DNAH6: variants seen among roughly 807,000 people sequenced by gnomAD.
DNAH6 encodes the protein axonemal beta dynein heavy chain 6.
DNAH6 carries 340 observed loss-of-function variants against 491.4 expected under a neutral mutation model. That is an observed-to-expected ratio of 0.69 (90% CI 0.63 to 0.76). DNAH6 has a LOEUF of 0.76. Ranked by LOEUF, DNAH6 falls within the 30% of genes least tolerant of loss-of-function variation. The probability of loss-of-function intolerance (pLI) is 0.00; values close to 1 mark genes in which losing one functional copy is unlikely to be tolerated. For synonymous variants in DNAH6, 1,603 were observed against 1,686.1 expected (o/e 0.95, Z 1.21); for missense variants, 4,443 against 4,972.2 (o/e 0.89, Z 3.20).
Position 84,588,831 on chromosome 2 carries a change from A to C in DNAH6, c.2487A>C (p.Pro829=). The change falls in exon 16 of 77, where the codon CCA becomes CCC. Residue 829 remains proline (P), a synonymous_variant. Coordinates refer to ENST00000389394, the MANE Select transcript of DNAH6 (RefSeq NM_001370.2). ...AAACTGTCTTAAATTTATAGGATCC[A>C]CAGATTTTAGATATCTCTGCTGACC... The part of the protein sequence containing the change: ...VNEVKLQAQD[P]QILDISADQD... 6.5e-7 allele frequency: 1 copy of C among 1,537,708 alleles called. No homozygotes were observed. The highest frequency in any genetic ancestry group is 8.8e-7 in the Non-Finnish European group (1 of 1,141,854).
At chr2:84,663,697 C>T (rs982242183) in intron 37 of DNAH6, among the ~76,000 whole-genome samples, 8 of 152,130 alleles carry the variant, frequency 5.3e-5, no homozygotes, top group Non-Finnish European at 1.0e-4. Flanking sequence ...AGGAGAACTT[C>T]CCCAACCTAG....
At chr2:84,531,987 A>G (rs1558671183) in intron 4 of DNAH6, among the ~76,000 whole-genome samples, 1 of 152,156 alleles carries the variant, frequency 6.6e-6, no homozygotes, top group Non-Finnish European at 1.5e-5. Context: ...CTTGATTCAT[A>G]TGTGAAAATG....
At chr2:84,720,894 G>A (rs1698083953) in intron 59 of DNAH6, among the ~76,000 whole-genome samples, 1 of 152,178 alleles carries the variant, frequency 6.6e-6, no homozygotes, top group Non-Finnish European at 1.5e-5. Flanking sequence ...TGTTTTGCAA[G>A]GAGTTGCTTT....
At chr2:84,805,164 A>G (rs953383636) in intron 70 of DNAH6, among the ~76,000 whole-genome samples, 1 of 152,260 alleles carries the variant, frequency 6.6e-6, no homozygotes, top group African/African-American at 2.4e-5. Flanking sequence ...TGCTCAACAA[A>G]AAAATTTTTA....
At chr2:84,536,074 G>C (rs148179746) in intron 4 of DNAH6, among the ~76,000 whole-genome samples, 1 of 151,900 alleles carries the variant, frequency 6.6e-6, no homozygotes, top group Non-Finnish European at 1.5e-5. Context: ...TAAAAATATT[G>C]TCAAAATGAT....
chr2:84,705,702 G>T lies in DNAH6; in HGVS notation c.8682G>T (p.Val2894=). The change falls in exon 52 of 77, where the codon GTG becomes GTT. Residue 2894 remains valine (V), a synonymous_variant. Transcript: ENST00000389394. The stretch of plus-strand genomic sequence containing the variant: ...GAGCTATGGATTTGTACTCTCGAGT[G>T]GTCAAGGTCGTCGAACCAAAAAGAC... The part of the protein sequence containing the change: ...WVRAMDLYSR[V]VKVVEPKRQK... The T allele has an allele frequency of 6.4e-7, 1 of 1,551,488 alleles. No individual in the cohort carries two copies. The highest frequency in any genetic ancestry group is 1.2e-5 in the South Asian group (1 of 84,014).
At chr2:84,528,399 G>A (rs987075657) in intron 3 of DNAH6, among the ~76,000 whole-genome samples, 10 of 152,130 alleles carry the variant, frequency 6.6e-5, no homozygotes, top group Non-Finnish European at 1.3e-4. Flanking sequence ...TAAGGCTATC[G>A]CATAGTGATT....
intron 58 of DNAH6, among the ~76,000 whole-genome samples, chr2:84,716,544 T>A (rs949200254): frequency 1.3e-5 from 2 of 152,192 alleles, no homozygotes; most frequent in African/African-American, 4.8e-5. Flanking sequence ...CTAGTTTGTT[T>A]TAGGAATTAT....
At chr2:84,541,887 C>A (rs1367950801) in intron 4 of DNAH6, among the ~76,000 whole-genome samples, 1 of 152,168 alleles carries the variant, frequency 6.6e-6, no homozygotes, top group Non-Finnish European at 1.5e-5. Flanking sequence ...CATAAAGATT[C>A]TCATTCTGCG....
chr2:84,785,284 G>A (rs979950386), intron 66 of DNAH6, among the ~76,000 whole-genome samples: 1 of 152,168 alleles, frequency 6.6e-6, no homozygotes, highest in African/African-American at 2.4e-5. Context: ...GCCCTATGTA[G>A]GGATGATGCA....
chr2:84,628,917 C>A (rs1688131187), intron 29 of DNAH6, among the ~76,000 whole-genome samples: 1 of 152,154 alleles, frequency 6.6e-6, no homozygotes, highest in Non-Finnish European at 1.5e-5. Context: ...CACTTGAAAT[C>A]CTCTGTCTCT....
intron 59 of DNAH6, among the ~76,000 whole-genome samples, chr2:84,722,100 T>G (rs1242478786): frequency 6.6e-6 from 1 of 152,174 alleles, no homozygotes; most frequent in Non-Finnish European, 1.5e-5. Flanking sequence ...AACAACAGCT[T>G]CTATCCCATA....
At chr2:84,631,351 T>C (rs2104451532) in intron 29 of DNAH6, among the ~76,000 whole-genome samples, 1 of 152,320 alleles carries the variant, frequency 6.6e-6, no homozygotes, top group African/African-American at 2.4e-5. Flanking sequence ...GTTATTATTA[T>C]ATCCATCATA....
chr2:84,540,943 A>G (rs1410181693), intron 4 of DNAH6, among the ~76,000 whole-genome samples: 1 of 152,234 alleles, frequency 6.6e-6, no homozygotes, highest in African/African-American at 2.4e-5. Context: ...CTAGTTAACT[A>G]GATCCTAAAG....
intron 61 of DNAH6, 96 bp from the exon 62 acceptor site, chr2:84,733,348 A>C (rs1275557701): frequency 1.9e-6 from 2 of 1,038,976 alleles, no homozygotes; most frequent in Non-Finnish European, 2.8e-6. Flanking sequence ...GGTTATTTTA[A>C]CATACTATTA....
At chr2:84,680,303 GTTAATGGTAATAAGAA>G (rs1039350889) in intron 41 of DNAH6, among the ~76,000 whole-genome samples, 9 of 152,226 alleles carry the variant, frequency 5.9e-5, no homozygotes, top group African/African-American at 2.2e-4. Context: ...TTACTCCAGG[GTTAATGGTAATAAGAA>G]TTTATCTATT....
At chr2:84,510,454 G>A in the DNAH6 span, among the ~76,000 whole-genome samples, 51 of 152,072 alleles carry the variant, frequency 3.4e-4, no homozygotes, top group Non-Finnish European at 7.1e-4. Context: ...CTCTGCATTG[G>A]TTATTTAGTT....
chr2:84,769,581 T>C (rs552076883), intron 64 of DNAH6, among the ~76,000 whole-genome samples: 1 of 152,242 alleles, frequency 6.6e-6, no homozygotes, highest in East Asian at 1.9e-4. Context: ...GAACAGAAAA[T>C]ATCTTGTTCT....
chr2:84,464,280 A>T, the DNAH6 span, among the ~76,000 whole-genome samples: 1 of 152,194 alleles, frequency 6.6e-6, no homozygotes. Context: ...TACAAGAAAC[A>T]TCCCCGCTCG....
Sources: gnomAD v4.1 joint callset for allele counts (sites outside exome capture counted in the v4.1 genomes callset) on GRCh38, gnomAD v4.1.1 for gene constraint, MANE v1.5 for transcripts, NCBI Gene and HGNC (gene_info 2026-07-23, HGNC 2026-07-21) for gene names.